LDB2: variants seen among roughly 807,000 people sequenced by gnomAD.
LDB2 encodes the protein LIM domain binding 2.
LDB2 carries 12 observed loss-of-function variants against 44.3 expected under a neutral mutation model. That is an observed-to-expected ratio of 0.27 (90% CI 0.17 to 0.44). The LOEUF is 0.44. Among genes scored for constraint, LDB2 ranks in the 20% least tolerant of loss-of-function variants. The probability of loss-of-function intolerance (pLI) is 1.00; values close to 1 mark genes in which losing one functional copy is unlikely to be tolerated. For synonymous variants in LDB2, 164 were observed against 174.8 expected, an observed-to-expected ratio of 0.94 and a Z score of 0.49; for missense variants, 344 against 473.5, an observed-to-expected ratio of 0.73 and a Z score of 2.54.
At chr4:16,728,524 A>C (rs987681969) in intron 2 of LDB2, among the ~76,000 whole-genome samples, 4 of 152,198 alleles carry the variant, frequency 2.6e-5, no homozygotes, top group Non-Finnish European at 5.9e-5. Context: ...AAAAAGGATT[A>C]TTTTTTGCTT....
At chr4:16,726,168 CA>C in intron 2 of LDB2, among the ~76,000 whole-genome samples, 1 of 152,164 alleles carries the variant, frequency 6.6e-6, no homozygotes. Context: ...TCTATTTACT[CA>C]ATTGCCACCT....
At chr4:16,635,993 C>T (rs947804425) in intron 2 of LDB2, among the ~76,000 whole-genome samples, 2 of 152,138 alleles carry the variant, frequency 1.3e-5, no homozygotes, top group African/African-American at 4.8e-5. Flanking sequence ...TGGAGGCTCT[C>T]ACTGAGAAGT....
chr4:16,810,311 C>T (rs1779603106), intron 1 of LDB2, among the ~76,000 whole-genome samples: 1 of 152,192 alleles, frequency 6.6e-6, no homozygotes, highest in South Asian at 2.1e-4. Flanking sequence ...AATCATCCTA[C>T]CCACGGGGGT....
chr4:16,891,470 G>GC (rs1283506678), intron 1 of LDB2, among the ~76,000 whole-genome samples: 1 of 151,804 alleles, frequency 6.6e-6, no homozygotes, highest in Non-Finnish European at 1.5e-5. Context: ...GTGCCACCAT[G>GC]CCTGGTTAAT....
chr4:16,759,079 T>C (rs1359920511), intron 2 of LDB2, 79 bp downstream of exon 2: 5 of 874,402 alleles, frequency 5.7e-6, no homozygotes, highest in Admixed American at 1.8e-5. Flanking sequence ...GTCAGCTCTG[T>C]GCTATTCTCT....
chr4:16,831,956 A>G (rs1224699343), intron 1 of LDB2, among the ~76,000 whole-genome samples: 1 of 152,144 alleles, frequency 6.6e-6, no homozygotes, highest in East Asian at 1.9e-4. Flanking sequence ...ATGCATTGAG[A>G]CTGGCAGAAA....
At chr4:16,806,597 A>G (rs1301925809) in intron 1 of LDB2, among the ~76,000 whole-genome samples, 1 of 147,990 alleles carries the variant, frequency 6.8e-6, no homozygotes, top group Non-Finnish European at 1.5e-5. Flanking sequence ...ACATATCTGA[A>G]AAACTACTTT....
rs565731077 is a variant in LDB2, at chr4:16,566,041, G to A, written c.615+19881C>T. Among the ~76,000 whole-genome samples the A allele has an allele frequency of 7.2e-5, 11 of 151,948 alleles. No individual in the cohort carries two copies. In the South Asian group the frequency reaches 1.0e-3, roughly 14 times the overall value. On this transcript the variant is annotated intron_variant, in intron 5 of 7. Transcript: ENST00000304523. ...GAGACACAAGAAAGATCTCAAAAAG[G>A]AGTTCATTGGAGAAGCTATCCAAGA...
chr4:16,585,940 G>A lies in LDB2; in HGVS notation c.597C>T (p.Phe199=), dbSNP rs1397364448. ...ATCTTACCCTGAGGTAGTTGAGGGT[G>A]AAGTTTGTTAGCCCCATCCTGGTGA... ...KNITRMGLTN[F]TLNYLRLCVI... The change falls in exon 5 of 8, where the codon TTC becomes TTT. Residue 199 remains phenylalanine (F), a synonymous_variant. Coordinates refer to ENST00000304523, the MANE Select transcript of LDB2 (RefSeq NM_001290.5). 1 of 1,613,416 alleles carries A rather than the reference G, an allele frequency of 6.2e-7. No individual in the cohort carries two copies. The highest frequency in any genetic ancestry group is 8.5e-7 in the Non-Finnish European group (1 of 1,179,450).
intron 1 of LDB2, among the ~76,000 whole-genome samples, chr4:16,871,401 T>C (rs905203816): frequency 1.3e-5 from 2 of 152,182 alleles, no homozygotes; most frequent in Admixed American, 1.3e-4. Context: ...GAATTAAGTA[T>C]GAAAGTTTGC....
At chr4:16,572,676 C>A (rs1746998500) in intron 5 of LDB2, among the ~76,000 whole-genome samples, 1 of 152,180 alleles carries the variant, frequency 6.6e-6, no homozygotes, top group East Asian at 1.9e-4. Flanking sequence ...ACTGACCTGT[C>A]TGTAACTTAT....
intron 2 of LDB2, among the ~76,000 whole-genome samples, chr4:16,689,709 G>A (rs1315355237): frequency 1.3e-5 from 2 of 152,172 alleles, no homozygotes; most frequent in East Asian, 3.9e-4. Flanking sequence ...ATGGGACCTA[G>A]GCCCCTGAGC....
intron 2 of LDB2, among the ~76,000 whole-genome samples, chr4:16,732,508 T>C (rs1760971756): frequency 6.6e-6 from 1 of 152,218 alleles, no homozygotes; most frequent in South Asian, 2.1e-4. Flanking sequence ...CTACTGTTTT[T>C]CTACTAATTC....
rs760308377 is a variant in LDB2 at position 16,552,452 on chromosome 4, C to T, written c.615+33470G>A. 5.9e-5 allele frequency among the ~76,000 whole-genome samples: 9 copies of T among 152,146 alleles called. No individual in the cohort carries two copies. In the South Asian group the frequency reaches 1.5e-3, roughly 25 times the overall value. On this transcript the variant is annotated intron_variant, in intron 5 of 7. Coordinates refer to ENST00000304523, the MANE Select transcript of LDB2 (RefSeq NM_001290.5). ...TCTAAGCATTCAACCATTGCAACTA[C>T]CTAGGATTCCACCTTTTTTCTTGTT...
chr4:16,530,336 C>G (rs921893438), intron 5 of LDB2, among the ~76,000 whole-genome samples: 3 of 152,182 alleles, frequency 2.0e-5, no homozygotes, highest in Non-Finnish European at 4.4e-5. Flanking sequence ...AGGACATTTG[C>G]TTTCAGTTGG....
At chr4:16,711,335 G>A (rs1399848778) in intron 2 of LDB2, among the ~76,000 whole-genome samples, 4 of 152,224 alleles carry the variant, frequency 2.6e-5, no homozygotes, top group African/African-American at 9.6e-5. Flanking sequence ...TTGGCCCCAG[G>A]ACACTGTGCT....
chr4:16,665,850 A>G (rs908372359), intron 2 of LDB2, among the ~76,000 whole-genome samples: 7 of 152,192 alleles, frequency 4.6e-5, no homozygotes, highest in Non-Finnish European at 8.8e-5. Flanking sequence ...ACAAGTCCTT[A>G]TAGGTGAAGA....
At chr4:16,790,204 C>T (rs537475019) in intron 1 of LDB2, among the ~76,000 whole-genome samples, 5 of 152,254 alleles carry the variant, frequency 3.3e-5, no homozygotes, top group African/African-American at 4.8e-5. Context: ...TTTTACAAAT[C>T]GAGACTCCAA....
chr4:16,757,273 C>G (rs1471586559), intron 2 of LDB2, among the ~76,000 whole-genome samples: 1 of 152,210 alleles, frequency 6.6e-6, no homozygotes, highest in East Asian at 1.9e-4. Flanking sequence ...CATCACCGGG[C>G]TGTCAGCAAG....
Sources: gnomAD v4.1 joint callset for allele counts (sites outside exome capture counted in the v4.1 genomes callset) on GRCh38, gnomAD v4.1.1 for gene constraint, MANE v1.5 for transcripts, NCBI Gene and HGNC (gene_info 2026-07-23, HGNC 2026-07-21) for gene names.